The following RBM15B variants were observed in gnomAD, a reference collection of about 807,000 sequenced individuals.
The protein encoded by RBM15B is putative RNA-binding protein 15B.
RBM15B carries 11 observed loss-of-function variants against 53.3 expected under a neutral mutation model. That is an observed-to-expected ratio of 0.21 (90% CI 0.13 to 0.34). The LOEUF (loss-of-function observed/expected upper bound fraction) is 0.34. Ranked by LOEUF, RBM15B falls within the 10% of genes least tolerant of loss-of-function variation. The pLI is 1.00. For missense variants in RBM15B, 1,136 were observed against 1,250.3 expected (o/e 0.91, Z 1.38); for synonymous variants, 631 against 540.7 (o/e 1.17, Z -2.32).
Position 51,395,310 on chromosome 3 carries a change from G to T in RBM15B, c.*1238G>T, listed in dbSNP as rs2089136832. On this transcript the variant is annotated 3_prime_UTR_variant, in exon 1 of 1. Transcript: ENST00000563281. The stretch of plus-strand genomic sequence containing the variant: ...TGGGGGGAAATCACAAGTCACTGAG[G>T]TGTTTGTTTGTTTGTTAGGCAGTGC... 6.0e-6 allele frequency: 1 copy of T among 167,250 alleles called. No homozygotes were observed. Among genetic ancestry groups the T allele is most frequent in the African/African-American group, 2.4e-5 (1 of 41,314 alleles). 10.4% of individuals were successfully genotyped at this position (167,250 alleles called of 1,614,324 possible). A position where few individuals can be genotyped will look rare whatever the true frequency, so the allele number is the denominator to read the frequency against.
Position 51,394,260 on chromosome 3 carries a change from A to G in RBM15B, c.*188A>G, listed in dbSNP as rs1033485761. 3 of 736,438 alleles carry G rather than the reference A, an allele frequency of 4.1e-6. No individual in the cohort carries two copies. In the African/African-American group the frequency reaches 5.5e-5, roughly 14 times the overall value. 45.6% of individuals were successfully genotyped at this position (736,438 alleles called of 1,614,324 possible). On this transcript the variant is annotated 3_prime_UTR_variant, in exon 1 of 1. Coordinates refer to ENST00000563281, the MANE Select transcript of RBM15B (RefSeq NM_013286.5). ...TAGATTTTGGGGGATTTTTTTTTTT[A>G]AACGATGAGAAGGGAATCCGGTTAT...
rs2089106992 is a variant in RBM15B at position 51,394,506 on chromosome 3, G to A, written c.*434G>A. 5.9e-6 allele frequency: 1 copy of A among 168,134 alleles called. No individual in the cohort carries two copies. Among genetic ancestry groups the A allele is most frequent in the Non-Finnish European group, 1.5e-5 (1 of 68,914 alleles). The allele number at this position is 168,134 out of a possible 1,614,324, so 10.4% of individuals were successfully genotyped here. ...TCCTTCCAGCACCACTGCTGCATGG[G>A]TCACTCTCGGCCTCTCAATTCTTCA... On this transcript the variant is annotated 3_prime_UTR_variant, in exon 1 of 1. Transcript: ENST00000563281.
Position 51,391,345 on chromosome 3 carries a change from T to G in RBM15B, c.-55T>G, listed in dbSNP as rs1158165998. ...GGGCGCTGCCTCCTCGGCCGCCGCC[T>G]CCGCCGCCGCCGCTGTGAGAAACCT... On this transcript the variant is annotated 5_prime_UTR_variant, in exon 1 of 1. Transcript: ENST00000563281. The surrounding 1 kb of genome is among the most constrained non-coding windows in gnomAD (Gnocchi z 4.5). The G allele has an allele frequency of 1.7e-6, 2 of 1,175,232 alleles. No individual in the cohort carries two copies. The highest frequency in any genetic ancestry group is 2.1e-6 in the Non-Finnish European group (2 of 952,736). 72.8% of individuals were successfully genotyped at this position (1,175,232 alleles called of 1,614,324 possible). A position where few individuals can be genotyped will look rare whatever the true frequency, so the allele number is the denominator to read the frequency against.
At position 51,392,985 on chromosome 3, in the gene RBM15B, G is replaced by C. The variant is rs200407277; in HGVS notation, c.1586G>C (p.Arg529Pro). ...RHRNLDADLV[R>P]DRTPPHLLYS... ...CGCAACCTGGACGCCGACCTGGTGCGGGACAGGACGCCCCCACACCTTCTG... is the reference window on the plus strand; with the variant it reads ...CGCAACCTGGACGCCGACCTGGTGCCGGACAGGACGCCCCCACACCTTCTG... Residue 529 changes from arginine (R) to proline (P), a missense_variant, in exon 1 of 1, where the codon CGG (arginine) becomes CCG (proline). Coordinates refer to ENST00000563281, the MANE Select transcript of RBM15B (RefSeq NM_013286.5). This position sits in a 1 kb window ranked among gnomAD's most constrained non-coding sequence, Gnocchi z 7.5. 1 of 1,613,746 alleles carries C rather than the reference G, an allele frequency of 6.2e-7. No homozygotes were observed.
chr3:51,393,218 A>G lies in RBM15B; in HGVS notation c.1819A>G (p.Thr607Ala), dbSNP rs1553621916. Reference sequence around the variant, plus strand: ...CCTTTCCAGTGACCGTGGGAGGACAACCCATTCACCATATGAGGAACGGAG... The same window carrying G: ...CCTTTCCAGTGACCGTGGGAGGACAGCCCATTCACCATATGAGGAACGGAG... ...RSLSSDRGRT[T>A]HSPYEERSRT... The change falls in exon 1 of 1, where the codon ACC becomes GCC. Residue 607 changes from threonine (T) to alanine (A), a missense_variant. Physicochemically the swap from Thr to Ala is moderately conservative, Grantham distance 58. Coordinates refer to ENST00000563281, the MANE Select transcript of RBM15B (RefSeq NM_013286.5). This position sits in a 1 kb window ranked among gnomAD's most constrained non-coding sequence, Gnocchi z 5.6. The G allele has an allele frequency of 1.2e-6, 2 of 1,613,848 alleles. No individual in the cohort carries two copies. The highest frequency in any genetic ancestry group is 1.7e-5 in the Admixed American group (1 of 60,014).
In RBM15B at chr3:51,394,479, C is replaced by A; in HGVS notation, c.*407C>A. 5.9e-6 allele frequency: 1 copy of A among 169,980 alleles called. No individual in the cohort carries two copies. The allele number at this position is 169,980 out of a possible 1,614,324, so 10.5% of individuals were successfully genotyped here. On this transcript the variant is annotated 3_prime_UTR_variant, in exon 1 of 1. Coordinates refer to ENST00000563281, the MANE Select transcript of RBM15B (RefSeq NM_013286.5). Reference sequence around the variant, plus strand: ...GTGCATGTACACGAATGCCCTACGTCATCCTTCCAGCACCACTGCTGCATG... The same window carrying A: ...GTGCATGTACACGAATGCCCTACGTAATCCTTCCAGCACCACTGCTGCATG...
rs1175820964 is a variant in RBM15B, at chr3:51,397,199, T to C, written c.*3127T>C. 2 of 166,986 alleles carry C rather than the reference T, an allele frequency of 1.2e-5. No individual in the cohort carries two copies. The highest frequency in any genetic ancestry group is 4.8e-5 in the African/African-American group (2 of 41,392). 10.3% of individuals were successfully genotyped at this position (166,986 alleles called of 1,614,324 possible). A position where few individuals can be genotyped will look rare whatever the true frequency, so the allele number is the denominator to read the frequency against. On this transcript the variant is annotated 3_prime_UTR_variant, in exon 1 of 1. Coordinates refer to ENST00000563281, the MANE Select transcript of RBM15B (RefSeq NM_013286.5). The stretch of plus-strand genomic sequence containing the variant: ...CTGAGCAGCTGTTATTTGGGCAAAA[T>C]CAAAGGAAGAAAGAGACTATGGTCT...
rs2089273491 is a variant in RBM15B, at chr3:51,397,415, C to T, written c.*3343C>T. ...GGATGCTCAAGTCCACTGTCACAATCCCTTTCAGAAAACATTAGTGGCCGC... is the reference window on the plus strand; with the variant it reads ...GGATGCTCAAGTCCACTGTCACAATTCCTTTCAGAAAACATTAGTGGCCGC... On this transcript the variant is annotated 3_prime_UTR_variant, in exon 1 of 1. Coordinates refer to ENST00000563281, the MANE Select transcript of RBM15B (RefSeq NM_013286.5). 1 of 167,096 alleles carries T rather than the reference C, an allele frequency of 6.0e-6. No homozygotes were observed. The highest frequency in any genetic ancestry group is 6.5e-5 in the Admixed American group (1 of 15,296). The allele number at this position is 167,096 out of a possible 1,614,324, so 10.4% of individuals were successfully genotyped here.
chr3:51,392,197 G>A lies in RBM15B; in HGVS notation c.798G>A (p.Leu266=). The A allele has an allele frequency of 6.5e-7, 1 of 1,543,048 alleles. No individual in the cohort carries two copies. The highest frequency in any genetic ancestry group is 8.7e-7 in the Non-Finnish European group (1 of 1,148,978). The stretch of plus-strand genomic sequence containing the variant: ...GCTACCAGTACAAGCAGCGCTCGCT[G>A]TCCCCCGTCGCTGCCCCGCCCCTGC... ...HGGYQYKQRS[L]SPVAAPPLRE... is the part of the protein sequence containing the mutation. Residue 266 remains leucine (L), a synonymous_variant, in exon 1 of 1, where the codon CTG becomes CTA. Coordinates refer to ENST00000563281, the MANE Select transcript of RBM15B (RefSeq NM_013286.5). The surrounding 1 kb of genome is among the most constrained non-coding windows in gnomAD (Gnocchi z 7.5).
rs2089175576 is a variant in RBM15B, at chr3:51,395,980, TC to T, written c.*1910del. ...TGGGTACAGCAGGACACGCCACCAT[TC>T]CAGGGTAGCTGGTACCGCCAGAAAC... On this transcript the variant is annotated 3_prime_UTR_variant, in exon 1 of 1. Transcript: ENST00000563281. The T allele has an allele frequency of 7.3e-6, 3 of 413,308 alleles. No individual in the cohort carries two copies. The Admixed American group carries it at 1.3e-4, about 18-fold the overall frequency. 25.6% of individuals were successfully genotyped at this position (413,308 alleles called of 1,614,324 possible). A position where few individuals can be genotyped will look rare whatever the true frequency, so the allele number is the denominator to read the frequency against.
At position 51,392,956 on chromosome 3, in the gene RBM15B, G is replaced by T; in HGVS notation, c.1557G>T (p.Arg519=). The change falls in exon 1 of 1, where the codon CGG becomes CGT. Residue 519 remains arginine, a synonymous_variant. Transcript: ENST00000563281. This position sits in a 1 kb window ranked among gnomAD's most constrained non-coding sequence, Gnocchi z 7.5. ...AGCTGCTCACAGATGGATACACCCG[G>T]CACCGCAACCTGGACGCCGACCTGG... ...HYELLTDGYT[R]HRNLDADLVR... is the part of the protein sequence containing the mutation. 6.2e-7 allele frequency: 1 copy of T among 1,613,804 alleles called. No homozygotes were observed. The highest frequency in any genetic ancestry group is 1.1e-5 in the South Asian group (1 of 91,088).
rs782820146 is a variant in RBM15B at position 51,392,343 on chromosome 3, G to A, written c.944G>A (p.Arg315His). ...TACGGGCTGTACGACGACCGTGGGC[G>A]CCCCTATGGCTACCCAGCTGTGTGT... The part of the protein sequence containing the change: ...DYYGLYDDRG[R>H]PYGYPAVCEE... The change falls in exon 1 of 1, where the codon CGC (arginine) becomes CAC (histidine). Residue 315 changes from arginine to histidine, a missense_variant. Physicochemically the swap from Arg to His is conservative, Grantham distance 29. This residue lies in a region of RBM15B where 204 missense variants were observed against 196.8 expected (regional missense o/e 1.04). Coordinates refer to ENST00000563281, the MANE Select transcript of RBM15B (RefSeq NM_013286.5). This position sits in a 1 kb window ranked among gnomAD's most constrained non-coding sequence, Gnocchi z 7.5. 1.2e-6 allele frequency: 2 copies of A among 1,613,622 alleles called. No individual in the cohort carries two copies. Among genetic ancestry groups the A allele is most frequent in the East Asian group, 2.2e-5 (1 of 44,904 alleles).
rs1382009612 is a variant in RBM15B, at chr3:51,396,142, C to T, written c.*2070C>T. 2 of 400,066 alleles carry T rather than the reference C, an allele frequency of 5.0e-6. No homozygotes were observed. The highest frequency in any genetic ancestry group is 4.5e-5 in the Admixed American group (1 of 22,254). 24.8% of individuals were successfully genotyped at this position (400,066 alleles called of 1,614,324 possible). ...ACTTCTTCTCTGGGCTACCTATCTTCCTTCATGAAGCAGGTGCTCAGGACC... is the reference window on the plus strand; with the variant it reads ...ACTTCTTCTCTGGGCTACCTATCTTTCTTCATGAAGCAGGTGCTCAGGACC... On this transcript the variant is annotated 3_prime_UTR_variant, in exon 1 of 1. Coordinates refer to ENST00000563281, the MANE Select transcript of RBM15B (RefSeq NM_013286.5).
Position 51,391,755 on chromosome 3 carries a change from C to T in RBM15B, c.356C>T (p.Pro119Leu). 4.5e-6 allele frequency: 7 copies of T among 1,550,524 alleles called. No individual in the cohort carries two copies. Among genetic ancestry groups the T allele is most frequent in the Non-Finnish European group, 6.0e-6 (7 of 1,158,830 alleles). The change falls in exon 1 of 1, where the codon CCG becomes CTG. Residue 119 changes from proline (P) to leucine (L), a missense_variant. Transcript: ENST00000563281. The surrounding 1 kb of genome is among the most constrained non-coding windows in gnomAD (Gnocchi z 4.5). ...SPRASPLPPP[P>L]PPPGAEPACP... ...CGCGCGTCTCCTCTGCCGCCGCCTC[C>T]GCCACCGCCTGGGGCCGAGCCCGCG...
Position 51,391,329 on chromosome 3 carries a change from C to G in RBM15B, c.-71C>G, listed in dbSNP as rs979828639. ...AAGATGGCGGCGCCGGGGGCGCTGC[C>G]TCCTCGGCCGCCGCCTCCGCCGCCG... On this transcript the variant is annotated 5_prime_UTR_variant, in exon 1 of 1. Transcript: ENST00000563281. This position sits in a 1 kb window ranked among gnomAD's most constrained non-coding sequence, Gnocchi z 4.5. The G allele has an allele frequency of 1.7e-6, 2 of 1,155,244 alleles. No homozygotes were observed. Among genetic ancestry groups the G allele is most frequent in the Non-Finnish European group, 1.1e-6 (1 of 935,386 alleles). The allele number at this position is 1,155,244 out of a possible 1,614,324, so 71.6% of individuals were successfully genotyped here. A position where few individuals can be genotyped will look rare whatever the true frequency, so the allele number is the denominator to read the frequency against.
Position 51,393,163 on chromosome 3 carries a change from G to T in RBM15B, c.1764G>T (p.Lys588Asn). 6.2e-7 allele frequency: 1 copy of T among 1,613,994 alleles called. No individual in the cohort carries two copies. Among genetic ancestry groups the T allele is most frequent in the Non-Finnish European group, 8.5e-7 (1 of 1,179,914 alleles). ...WGADGDRGLP[K>N]PWEERRKRRS... ...CAGATGGAGACCGTGGTTTGCCCAAGCCCTGGGAAGAGAGGCGGAAACGGA... is the reference window on the plus strand; with the variant it reads ...CAGATGGAGACCGTGGTTTGCCCAATCCCTGGGAAGAGAGGCGGAAACGGA... Residue 588 changes from lysine to asparagine, a missense_variant, in exon 1 of 1, where the codon AAG becomes AAT. Lys to Asn is a moderately conservative substitution (Grantham distance 94, BLOSUM62 0). This residue lies in a region of RBM15B where 578 missense variants were observed against 581.6 expected (regional missense o/e 0.99). Coordinates refer to ENST00000563281, the MANE Select transcript of RBM15B (RefSeq NM_013286.5). The surrounding 1 kb of genome is among the most constrained non-coding windows in gnomAD (Gnocchi z 5.6).
At position 51,395,097 on chromosome 3, in the gene RBM15B, A is replaced by T. The variant is rs1306834026; in HGVS notation, c.*1025A>T. On this transcript the variant is annotated 3_prime_UTR_variant, in exon 1 of 1. Coordinates refer to ENST00000563281, the MANE Select transcript of RBM15B (RefSeq NM_013286.5). ...TGGGTAATAGAGCAGGCCCGTGTCC[A>T]GTCATACCTAGAGATTTGTGGGGGG... The T allele has an allele frequency of 6.0e-6, 1 of 167,102 alleles. No individual in the cohort carries two copies. Among genetic ancestry groups the T allele is most frequent in the Non-Finnish European group, 1.5e-5 (1 of 68,164 alleles). The allele number at this position is 167,102 out of a possible 1,614,324, so 10.4% of individuals were successfully genotyped here.
In RBM15B at chr3:51,392,947, A is replaced by T. The variant is rs782643337; in HGVS notation, c.1548A>T (p.Gly516=). Residue 516 remains glycine, a synonymous_variant, in exon 1 of 1, where the codon GGA becomes GGT. Transcript: ENST00000563281. This position sits in a 1 kb window ranked among gnomAD's most constrained non-coding sequence, Gnocchi z 7.5. ...TGCATTATGAGCTGCTCACAGATGGATACACCCGGCACCGCAACCTGGACG... is the reference window on the plus strand; with the variant it reads ...TGCATTATGAGCTGCTCACAGATGGTTACACCCGGCACCGCAACCTGGACG... ...LPVHYELLTD[G]YTRHRNLDAD... 11 of 1,613,640 alleles carry T rather than the reference A, an allele frequency of 6.8e-6. No individual in the cohort carries two copies. The highest frequency in any genetic ancestry group is 9.3e-6 in the Non-Finnish European group (11 of 1,180,022).
rs547775625 is a variant in RBM15B at position 51,391,771 on chromosome 3, C to T, written c.372C>T (p.Ala124=). 1.0e-5 allele frequency: 16 copies of T among 1,582,400 alleles called. No individual in the cohort carries two copies. Among genetic ancestry groups the T allele is most frequent in the Non-Finnish European group, 1.4e-5 (16 of 1,173,126 alleles). ...PLPPPPPPPG[A]EPACPGSSAA... The stretch of plus-strand genomic sequence containing the variant: ...CGCCGCCTCCGCCACCGCCTGGGGC[C>T]GAGCCCGCGTGTCCCGGCTCATCCG... Residue 124 remains alanine, a synonymous_variant, in exon 1 of 1, where the codon GCC becomes GCT. Coordinates refer to ENST00000563281, the MANE Select transcript of RBM15B (RefSeq NM_013286.5). The surrounding 1 kb of genome is among the most constrained non-coding windows in gnomAD (Gnocchi z 4.5).
Sources: gnomAD v4.1 joint callset for allele counts on GRCh38, gnomAD v4.1.1 for gene constraint, gnomAD v4.1.1 regional missense constraint, Gnocchi (gnomAD v3.1) non-coding constraint, MANE v1.5 for transcripts, NCBI Gene and HGNC (gene_info 2026-07-23, HGNC 2026-07-21) for gene names.